Variants in SLITRK1 observed in about 807,000 individuals in gnomAD.
SLITRK1 encodes the protein SLIT and NTRK like family member 1.
A neutral mutation model predicts 42.4 loss-of-function variants in SLITRK1; 10 were observed. The observed-to-expected ratio is 0.24, with a 90% CI of 0.15 to 0.40. SLITRK1 has a LOEUF of 0.40. SLITRK1 is among the 10% of genes least tolerant of loss of function. SLITRK1 has a pLI of 1.00. For missense variants in SLITRK1, 778 were observed against 848.8 expected, an observed-to-expected ratio of 0.92 and a Z score of 1.04; for synonymous variants, 389 against 365.7, an observed-to-expected ratio of 1.06 and a Z score of -0.73.
In SLITRK1 at chr13:83,878,864, A is replaced by T. The variant is rs1274965217; in HGVS notation, c.*553T>A. On this transcript the variant is annotated 3_prime_UTR_variant, in exon 2 of 2. Transcript: ENST00000674365. ...GCCGTCTCCAGTCGCGGGGGCGGGC[A>T]GAGTCCCTGGAGCGCGTGGATTCCA... The T allele has an allele frequency of 6.5e-6, 1 of 154,956 alleles. No homozygotes were observed. Among genetic ancestry groups the T allele is most frequent in the African/African-American group, 2.4e-5 (1 of 41,442 alleles). The allele number at this position is 154,956 out of a possible 1,614,324, so 9.6% of individuals were successfully genotyped here.
In SLITRK1 at chr13:83,881,521, A is replaced by G; in HGVS notation, c.-14T>C. 1.9e-6 allele frequency: 3 copies of G among 1,613,978 alleles called. No homozygotes were observed. Among genetic ancestry groups the G allele is most frequent in the East Asian group, 2.2e-5 (1 of 44,842 alleles). ...CCAAAGCAGCATTTTTAAAGCGAGC[A>G]ATTCATCCCCGATCTCATCACAAAG... On this transcript the variant is annotated 5_prime_UTR_variant, in exon 2 of 2. Coordinates refer to ENST00000674365, the MANE Select transcript of SLITRK1 (RefSeq NM_001281503.2).
Position 83,879,338 on chromosome 13 carries a change from C to A in SLITRK1, c.*79G>T. ...GATGGCGCGGGGATTTGGGTACACG[C>A]CCCTCCAGCCCCCGGGGTGCCTGCG... On this transcript the variant is annotated 3_prime_UTR_variant, in exon 2 of 2. Transcript: ENST00000674365. The A allele has an allele frequency of 6.4e-7, 1 of 1,573,150 alleles. No homozygotes were observed. The highest frequency in any genetic ancestry group is 2.2e-5 in the East Asian group (1 of 44,448).
rs762884660 is a variant in SLITRK1, at chr13:83,880,875, A to T, written c.633T>A (p.Asp211Glu). ...IPGIAEILLE[D>E]NPWDCTCDLL... ...GATCACAGGTGCAGTCCCAAGGGTT[A>T]TCCTCTAGCAGGATCTCCGCAATAC... Residue 211 changes from aspartate (D) to glutamate (E), a missense_variant, in exon 2 of 2, where the codon GAT becomes GAA. Transcript: ENST00000674365. The T allele has an allele frequency of 1.2e-6, 2 of 1,614,038 alleles. No homozygotes were observed. Among genetic ancestry groups the T allele is most frequent in the Non-Finnish European group, 1.7e-6 (2 of 1,180,016 alleles).
rs1429907885 is a variant in SLITRK1, at chr13:83,880,930, G to A, written c.578C>T (p.Pro193Leu). ...GATTTGCTCCAAGACCTCCTCATAG[G>A]GCAGCGTTTTCAGCCTGTTACCCCG... ...DLRGNRLKTL[P>L]YEEVLEQIPG... is the part of the protein sequence containing the mutation. The change falls in exon 2 of 2, where the codon CCC (proline) becomes CTC (leucine). Residue 193 changes from proline (P) to leucine (L), a missense_variant. This residue lies in a region of SLITRK1 where 204 missense variants were observed against 295.3 expected (regional missense o/e 0.69). Transcript: ENST00000674365. 1 of 1,613,982 alleles carries A rather than the reference G, an allele frequency of 6.2e-7. No homozygotes were observed. The highest frequency in any genetic ancestry group is 8.5e-7 in the Non-Finnish European group (1 of 1,180,012).
chr13:83,880,149 G>A lies in SLITRK1; in HGVS notation c.1359C>T (p.Asn453=). ...FAGLQNLEYL[N]VEYNAIQLIL... The stretch of plus-strand genomic sequence containing the variant: ...TGAGCTGGATAGCGTTGTACTCCAC[G>A]TTCAGGTACTCTAGGTTTTGCAGCC... The change falls in exon 2 of 2, where the codon AAC becomes AAT. Residue 453 remains asparagine (N), a synonymous_variant. Coordinates refer to ENST00000674365, the MANE Select transcript of SLITRK1 (RefSeq NM_001281503.2). The A allele has an allele frequency of 2.5e-6, 4 of 1,614,032 alleles. No homozygotes were observed. Among genetic ancestry groups the A allele is most frequent in the Non-Finnish European group, 3.4e-6 (4 of 1,180,016 alleles).
rs781141197 is a variant in SLITRK1, at chr13:83,880,781, C to A, written c.727G>T (p.Ala243Ser). ...NALIGRVVCE[A>S]PTRLQGKDLN... ...TCTTTACCCTGCAGTCTGGTGGGGG[C>A]TTCGCAGACCACTCGGCCGATCAGG... The change falls in exon 2 of 2, where the codon GCC (alanine) becomes TCC (serine). Residue 243 changes from alanine to serine, a missense_variant. By Grantham distance (99) the Ala-to-Ser change is moderately conservative. Transcript: ENST00000674365. 7 of 1,614,044 alleles carry A rather than the reference C, an allele frequency of 4.3e-6. No homozygotes were observed. The highest frequency in any genetic ancestry group is 5.1e-6 in the Non-Finnish European group (6 of 1,180,050).
rs1884717451 is a variant in SLITRK1 at position 83,877,616 on chromosome 13, T to A, written c.*1801A>T. The A allele has an allele frequency of 1.3e-5, 2 of 151,942 alleles. No homozygotes were observed. Among genetic ancestry groups the A allele is most frequent in the South Asian group, 4.2e-4 (2 of 4,786 alleles). The allele number at this position is 151,942 out of a possible 1,614,324, so 9.4% of individuals were successfully genotyped here. A position where few individuals can be genotyped will look rare whatever the true frequency, so the allele number is the denominator to read the frequency against. On this transcript the variant is annotated 3_prime_UTR_variant, in exon 2 of 2. Transcript: ENST00000674365. ...AATCCGGATGATGGGAGAGAAACAC[T>A]TCTTTAGGATAATGATTAATTTCCA...
chr13:83,879,282 A>G lies in SLITRK1; in HGVS notation c.*135T>C, dbSNP rs1291641608. The G allele has an allele frequency of 9.3e-7, 1 of 1,079,156 alleles. No homozygotes were observed. Among genetic ancestry groups the G allele is most frequent in the Non-Finnish European group, 1.4e-6 (1 of 733,720 alleles). The allele number at this position is 1,079,156 out of a possible 1,614,324, so 66.8% of individuals were successfully genotyped here. Reference sequence around the variant, plus strand: ...GGCCCTTTCGGTTGTGCGAGCTCACAGTTATTTATCTACTTATGCCCATCC... The same window carrying G: ...GGCCCTTTCGGTTGTGCGAGCTCACGGTTATTTATCTACTTATGCCCATCC... On this transcript the variant is annotated 3_prime_UTR_variant, in exon 2 of 2. Coordinates refer to ENST00000674365, the MANE Select transcript of SLITRK1 (RefSeq NM_001281503.2).
In SLITRK1 at chr13:83,878,548, AAAAAT is replaced by A. The variant is rs528376884; in HGVS notation, c.*864_*868del. 482 of 152,664 alleles carry A rather than the reference AAAAAT, an allele frequency of 3.2e-3. 2 individuals are homozygous for A. Among genetic ancestry groups the A allele is most frequent in the African/African-American group, 0.011 (460 of 41,548 alleles). The allele number at this position is 152,664 out of a possible 1,614,324, so 9.5% of individuals were successfully genotyped here. ...TGTATTAAAAAAAAGACCCCCTGAA[AAAAAT>A]AAAATAAAATAAAACATCACCATCA... On this transcript the variant is annotated 3_prime_UTR_variant, in exon 2 of 2. Coordinates refer to ENST00000674365, the MANE Select transcript of SLITRK1 (RefSeq NM_001281503.2).
Position 83,879,886 on chromosome 13 carries a change from T to C in SLITRK1, c.1622A>G (p.Lys541Arg), listed in dbSNP as rs201853395. ...GGAACCCAAGCGTTCTGCCCACTGC[T>C]TGAAAGGCACAATTGTGCAGGAGCA... Reference protein sequence around the residue: ...WECSCTIVPFKQWAERLGSEV... With the variant: ...WECSCTIVPFRQWAERLGSEV... Residue 541 changes from lysine (K) to arginine (R), a missense_variant, in exon 2 of 2, where the codon AAG becomes AGG. Lys to Arg is a conservative substitution (Grantham distance 26). This residue lies in a region of SLITRK1 where 395 missense variants were observed against 360.4 expected (regional missense o/e 1.10). Transcript: ENST00000674365. 2.5e-6 allele frequency: 4 copies of C among 1,614,096 alleles called. No homozygotes were observed. The highest frequency in any genetic ancestry group is 1.7e-5 in the Admixed American group (1 of 60,020).
chr13:83,879,258 G>T lies in SLITRK1; in HGVS notation c.*159C>A. The T allele has an allele frequency of 2.4e-6, 2 of 850,822 alleles. No homozygotes were observed. The highest frequency in any genetic ancestry group is 3.7e-6 in the Non-Finnish European group (2 of 536,698). The allele number at this position is 850,822 out of a possible 1,614,324, so 52.7% of individuals were successfully genotyped here. On this transcript the variant is annotated 3_prime_UTR_variant, in exon 2 of 2. Coordinates refer to ENST00000674365, the MANE Select transcript of SLITRK1 (RefSeq NM_001281503.2). ...AGGAGGGAGCTAAGTAAGGGGTCAG[G>T]CCCTTTCGGTTGTGCGAGCTCACAG...
In SLITRK1 at chr13:83,880,548, T is replaced by A; in HGVS notation, c.960A>T (p.Arg320Ser). 6.2e-7 allele frequency: 1 copy of A among 1,614,076 alleles called. No homozygotes were observed. Among genetic ancestry groups the A allele is most frequent in the Non-Finnish European group, 8.5e-7 (1 of 1,180,020 alleles). ...TACCCGTCGCTATCGCTGCTGTGGG[T>A]CTGATTTTGATCTGCCAGTTGCCTG... ...KIPGNWQIKI[R>S]PTAAIATGSS... Residue 320 changes from arginine to serine, a missense_variant, in exon 2 of 2, where the codon AGA (arginine) becomes AGT (serine). Arg to Ser is a moderately radical substitution (Grantham distance 110, BLOSUM62 -1). Coordinates refer to ENST00000674365, the MANE Select transcript of SLITRK1 (RefSeq NM_001281503.2).
Position 83,880,144 on chromosome 13 carries a change from T to C in SLITRK1, c.1364A>G (p.Glu455Gly). Residue 455 changes from glutamate (E) to glycine (G), a missense_variant, in exon 2 of 2, where the codon GAG becomes GGG. Glu to Gly is a moderately conservative substitution (Grantham distance 98). Transcript: ENST00000674365. The stretch of plus-strand genomic sequence containing the variant: ...GAGGATGAGCTGGATAGCGTTGTAC[T>C]CCACGTTCAGGTACTCTAGGTTTTG... ...GLQNLEYLNV[E>G]YNAIQLILPG... The C allele has an allele frequency of 6.2e-7, 1 of 1,613,966 alleles. No homozygotes were observed. The highest frequency in any genetic ancestry group is 8.5e-7 in the Non-Finnish European group (1 of 1,179,994).
At chr13:83,881,589 A>G in intron 1 of SLITRK1, 29 bp from the exon 2 acceptor site, 1 of 1,075,772 alleles carries the variant, frequency 9.3e-7, no homozygotes, top group Non-Finnish European at 1.3e-6. Flanking sequence ...ATTCAAGTTC[A>G]TTTAGTGCTC....
Position 83,881,557 on chromosome 13 carries a change from C to T in SLITRK1, c.-50G>A, listed in dbSNP as rs1435745381. The stretch of plus-strand genomic sequence containing the variant: ...GATCTCATCACAAAGTAACAGCGAC[C>T]ATCCTGCTCGCCACAGACACAATTC... On this transcript the variant is annotated 5_prime_UTR_variant, in exon 2 of 2. An upstream start codon of the reference 5' UTR is lost. Transcript: ENST00000674365. The T allele has an allele frequency of 6.3e-7, 1 of 1,592,116 alleles. No homozygotes were observed.
In SLITRK1 at chr13:83,878,570, TCAC is replaced by T. The variant is rs1470590106; in HGVS notation, c.*844_*846del. ...GAAAAAAATAAAATAAAATAAAACA[TCAC>T]CATCAAAATAAAAGAACCCAAAACA... On this transcript the variant is annotated 3_prime_UTR_variant, in exon 2 of 2. Coordinates refer to ENST00000674365, the MANE Select transcript of SLITRK1 (RefSeq NM_001281503.2). The T allele has an allele frequency of 6.6e-6, 1 of 152,086 alleles. No homozygotes were observed. Among genetic ancestry groups the T allele is most frequent in the Non-Finnish European group, 1.5e-5 (1 of 67,932 alleles). 9.4% of individuals were successfully genotyped at this position (152,086 alleles called of 1,614,324 possible).
rs1884723324 is a variant in SLITRK1, at chr13:83,877,872, C to T, written c.*1545G>A. 1 of 152,464 alleles carries T rather than the reference C, an allele frequency of 6.6e-6. No homozygotes were observed. Among genetic ancestry groups the T allele is most frequent in the Admixed American group, 6.6e-5 (1 of 15,250 alleles). The allele number at this position is 152,464 out of a possible 1,614,324, so 9.4% of individuals were successfully genotyped here. On this transcript the variant is annotated 3_prime_UTR_variant, in exon 2 of 2. Transcript: ENST00000674365. ...GTCAATTAAATCAAATCTCTCCTAA[C>T]ATCCTTAATATATCTGCAGTGTGGG... is the stretch of plus-strand genomic sequence containing the variant.
In SLITRK1 at chr13:83,879,642, C is replaced by T. The variant is rs891710476; in HGVS notation, c.1866G>A (p.Pro622=). ...AGGTGACAAACACCAGCAGCAGTCC[C>T]GGGACCAACACCGAGATGGACACCC... ...TSRVSISVLV[P]GLLLVFVTSA... is the part of the protein sequence containing the mutation. The change falls in exon 2 of 2, where the codon CCG becomes CCA. Residue 622 remains proline (P), a synonymous_variant. Coordinates refer to ENST00000674365, the MANE Select transcript of SLITRK1 (RefSeq NM_001281503.2). 3 of 1,613,276 alleles carry T rather than the reference C, an allele frequency of 1.9e-6. No homozygotes were observed. Among genetic ancestry groups the T allele is most frequent in the African/African-American group, 2.7e-5 (2 of 74,682 alleles).
Position 83,881,251 on chromosome 13 carries a change from C to A in SLITRK1, c.257G>T (p.Ser86Ile). Reference protein sequence around the residue: ...NEFANFYNAVSLHMENNGLHE... With the variant: ...NEFANFYNAVILHMENNGLHE... ...CAAGCCATTGTTTTCCATGTGCAAA[C>A]TAACCGCATTATAAAAGTTAGCGAA... The change falls in exon 2 of 2, where the codon AGT becomes ATT. Residue 86 changes from serine to isoleucine, a missense_variant. This residue lies in a region of SLITRK1 where 204 missense variants were observed against 295.3 expected (regional missense o/e 0.69). Transcript: ENST00000674365. 1 of 1,614,138 alleles carries A rather than the reference C, an allele frequency of 6.2e-7. No individual in the cohort carries two copies. Among genetic ancestry groups the A allele is most frequent in the Non-Finnish European group, 8.5e-7 (1 of 1,180,030 alleles).
Sources: gnomAD v4.1 joint callset for allele counts on GRCh38, gnomAD v4.1.1 for gene constraint, gnomAD v4.1.1 regional missense constraint, MANE v1.5 for transcripts, NCBI Gene and HGNC (gene_info 2026-07-23, HGNC 2026-07-21) for gene names.